Variants in PTPRC observed in about 807,000 individuals in gnomAD.
The protein encoded by PTPRC is receptor-type tyrosine-protein phosphatase C.
In PTPRC, 44 loss-of-function variants were observed where a neutral mutation model predicts 155.9. The ratio of observed to expected loss-of-function variants is 0.28; its 90% confidence interval spans 0.22 to 0.36. The LOEUF (loss-of-function observed/expected upper bound fraction) is 0.36, where lower values mean the gene tolerates loss of function less well. Ranked by LOEUF, PTPRC falls within the 10% of genes least tolerant of loss-of-function variation. The pLI, the probability that PTPRC is intolerant of heterozygous loss-of-function variation, is 1.00. For missense variants in PTPRC, 1,401 were observed against 1,564.6 expected (o/e 0.90, Z 1.76); for synonymous variants, 525 against 533.1 (o/e 0.98, Z 0.21).
chr1:198,713,718 A>G (rs1266057689), intron 12 of PTPRC, among the ~76,000 whole-genome samples: 1 of 152,224 alleles, frequency 6.6e-6, no homozygotes. Context: ...AATTGTTTGT[A>G]GAAAGTAACA....
chr1:198,735,365 C>A (rs1654586611), intron 23 of PTPRC, 113 bp downstream of exon 23: 1 of 1,011,992 alleles, frequency 9.9e-7, no homozygotes, highest in Non-Finnish European at 1.4e-6. Flanking sequence ...TTTTGATAAC[C>A]TTTAGGATGA....
intron 3 of PTPRC, chr1:198,693,925 T>C: frequency 1.4e-6 from 2 of 1,404,706 alleles, no homozygotes; most frequent in Non-Finnish European, 1.9e-6. Flanking sequence ...TTAGTCTGGG[T>C]TCTCTAGAGG....
intron 2 of PTPRC, among the ~76,000 whole-genome samples, chr1:198,687,738 T>C (rs1361781963): frequency 6.6e-6 from 1 of 152,136 alleles, no homozygotes; most frequent in Admixed American, 6.5e-5. Context: ...GACTGAAAAA[T>C]AGATTTATGT....
chr1:198,751,456 C>G (rs1365761653), intron 29 of PTPRC, among the ~76,000 whole-genome samples: 1 of 151,888 alleles, frequency 6.6e-6, no homozygotes, highest in Non-Finnish European at 1.5e-5. Flanking sequence ...TTTTATGCCC[C>G]TCTCTCTCCC....
At chr1:198,723,206 C>T (rs1363272047) in intron 15 of PTPRC, among the ~76,000 whole-genome samples, 3 of 151,496 alleles carry the variant, frequency 2.0e-5, no homozygotes, top group South Asian at 4.1e-4. Flanking sequence ...AGGAAGGAGA[C>T]CTAGTACTCT....
intron 2 of PTPRC, among the ~76,000 whole-genome samples, chr1:198,645,516 C>T (rs1662894090): frequency 6.6e-6 from 1 of 151,684 alleles, no homozygotes; most frequent in African/African-American, 2.4e-5. Flanking sequence ...AATTTTCACC[C>T]TTGAGACCCA....
chr1:198,703,196 G>A (rs1398819623), intron 6 of PTPRC, 102 bp from the exon 7 acceptor site: 37 of 1,551,386 alleles, frequency 2.4e-5, no homozygotes, highest in Non-Finnish European at 3.2e-5. Flanking sequence ...GACTCCTAGA[G>A]CAAAGATGCC....
chr1:198,661,178 T>C (rs1663941433), intron 2 of PTPRC, among the ~76,000 whole-genome samples: 1 of 152,094 alleles, frequency 6.6e-6, no homozygotes, highest in Non-Finnish European at 1.5e-5. Flanking sequence ...CCTTTTAGTC[T>C]CTGGACTCCT....
At chr1:198,638,858 T>G, upstream of PTPRC, 1 of 189,256 alleles carries the variant, frequency 5.3e-6, no homozygotes, top group East Asian at 1.4e-4. Context: ...TAAAGGAGCA[T>G]TATTTGGATG....
At chr1:198,662,990 C>T (rs1345972197) in intron 2 of PTPRC, among the ~76,000 whole-genome samples, 1 of 152,170 alleles carries the variant, frequency 6.6e-6, no homozygotes, top group Non-Finnish European at 1.5e-5. Context: ...TTACGCCTGA[C>T]CCCTGGCCAG....
chr1:198,669,757 A>T (rs867081992), intron 2 of PTPRC, among the ~76,000 whole-genome samples: 40 of 152,222 alleles, frequency 2.6e-4, no homozygotes, highest in African/African-American at 8.4e-4. Context: ...AAATTTTTTT[A>T]AAATCAGCTT....
At chr1:198,738,456 A>T (rs1360081236) in intron 23 of PTPRC, among the ~76,000 whole-genome samples, 2 of 151,786 alleles carry the variant, frequency 1.3e-5, no homozygotes, top group African/African-American at 2.4e-5. Context: ...ACAATAATTG[A>T]TTTGTGTATG....
chr1:198,685,189 C>A (rs545837581), intron 2 of PTPRC, among the ~76,000 whole-genome samples: 1 of 151,854 alleles, frequency 6.6e-6, no homozygotes, highest in East Asian at 1.9e-4. Context: ...TATTAATATA[C>A]CCAATATTTT....
intron 23 of PTPRC, among the ~76,000 whole-genome samples, 169 bp downstream of exon 23, chr1:198,735,421 AG>A (rs1257503862): frequency 6.6e-6 from 1 of 151,604 alleles, no homozygotes; most frequent in Non-Finnish European, 1.5e-5. Context: ...GTCAAATTTA[AG>A]TCACTGGTCA....
chr1:198,665,435 G>A (rs1664235550), intron 2 of PTPRC, among the ~76,000 whole-genome samples: 2 of 152,082 alleles, frequency 1.3e-5, no homozygotes, highest in Admixed American at 1.3e-4. Context: ...TCATTATTGA[G>A]ACCCTGAGGG....
chr1:198,672,612 G>C (rs1436275550), intron 2 of PTPRC, among the ~76,000 whole-genome samples: 1 of 151,750 alleles, frequency 6.6e-6, no homozygotes, highest in Non-Finnish European at 1.5e-5. Context: ...TGGGATTACA[G>C]GTGCACGCCA....
intron 2 of PTPRC, among the ~76,000 whole-genome samples, chr1:198,651,843 G>A (rs1322525833): frequency 6.6e-6 from 1 of 151,718 alleles, no homozygotes; most frequent in South Asian, 2.1e-4. Context: ...GAAAGAAGGG[G>A]TCAGGAAAGG....
intron 18 of PTPRC, 133 bp from the exon 19 acceptor site, chr1:198,732,167 T>A: frequency 1.3e-6 from 1 of 782,990 alleles, no homozygotes. Flanking sequence ...TTTTGATTAC[T>A]CTAAGCAAAT....
intron 23 of PTPRC, among the ~76,000 whole-genome samples, chr1:198,738,831 GTTGTCTGT>G (rs1330157263): frequency 6.6e-6 from 1 of 151,600 alleles, no homozygotes; most frequent in Non-Finnish European, 1.5e-5. Flanking sequence ...TTCATTACTT[GTTGTCTGT>G]TCAGGTTTTG....
Sources: allele counts gnomAD v4.1 joint callset (sites outside exome capture counted in the v4.1 genomes callset), GRCh38; gene constraint gnomAD v4.1.1; transcripts MANE v1.5; gene names NCBI Gene and HGNC (gene_info 2026-07-23, HGNC 2026-07-21).